DNAI4: variants seen among roughly 807,000 people sequenced by gnomAD.
DNAI4 encodes WD repeat domain 78.
A neutral mutation model predicts 105.8 loss-of-function variants in DNAI4; 85 were observed. The observed-to-expected ratio is 0.80, with a 90% CI of 0.67 to 0.96. The LOEUF (loss-of-function observed/expected upper bound fraction) is 0.96, where lower values mean the gene tolerates loss of function less well. DNAI4 is among the 40% of genes least tolerant of loss of function. The probability of loss-of-function intolerance (pLI) is 0.00; values close to 1 mark genes in which losing one functional copy is unlikely to be tolerated. For synonymous variants in DNAI4, 352 were observed against 331.5 expected, an observed-to-expected ratio of 1.06 and a Z score of -0.67; for missense variants, 1,014 against 1,005.6, an observed-to-expected ratio of 1.01 and a Z score of -0.11.
At chr1:66,908,756 G>T (rs1649441883) in intron 1 of DNAI4, among the ~76,000 whole-genome samples, 1 of 152,036 alleles carries the variant, frequency 6.6e-6, no homozygotes, top group African/African-American at 2.4e-5. Flanking sequence ...ACTTAATCAA[G>T]GTCCTTAATG....
chr1:66,878,588 A>G (rs921457163), intron 4 of DNAI4, among the ~76,000 whole-genome samples: 1 of 152,218 alleles, frequency 6.6e-6, no homozygotes, highest in African/African-American at 2.4e-5. Context: ...TAACTTGTAT[A>G]TACAAACATA....
At position 66,883,436 on chromosome 1, in the gene DNAI4, C is replaced by T. The variant is rs1371735918; in HGVS notation, c.643+7718G>A. 2.6e-5 allele frequency among the ~76,000 whole-genome samples: 4 copies of T among 152,076 alleles called. No homozygotes were observed. In the East Asian group the frequency reaches 7.7e-4, roughly 29 times the overall value. On this transcript the variant is annotated intron_variant, in intron 4 of 16. Transcript: ENST00000371026. ...GGGATTACAGGTGTGCACCACCACACCCAGCTAATTTTTGGTTTTTTAGTA... is the reference window on the plus strand; with the variant it reads ...GGGATTACAGGTGTGCACCACCACATCCAGCTAATTTTTGGTTTTTTAGTA...
chr1:66,834,226 T>C, intron 11 of DNAI4, 78 bp from the exon 12 acceptor site: 1 of 1,157,646 alleles, frequency 8.6e-7, no homozygotes, highest in Non-Finnish European at 1.2e-6. Flanking sequence ...AGTGATAAGG[T>C]CAGCTTTCTA....
At chr1:66,823,856 G>T (rs2100345714) in intron 15 of DNAI4, among the ~76,000 whole-genome samples, 1 of 151,176 alleles carries the variant, frequency 6.6e-6, no homozygotes, top group East Asian at 1.9e-4. Context: ...CCATTTTGTA[G>T]GTTGTCTGTT....
intron 7 of DNAI4, among the ~76,000 whole-genome samples, chr1:66,851,166 C>T (rs1646388942): frequency 6.6e-6 from 1 of 151,576 alleles, no homozygotes; most frequent in African/African-American, 2.4e-5. Context: ...ATATAGCAGG[C>T]AAACATTAAC....
intron 6 of DNAI4, among the ~76,000 whole-genome samples, chr1:66,869,257 T>C (rs560871309): frequency 1.3e-4 from 19 of 151,876 alleles, no homozygotes; most frequent in Non-Finnish European, 2.5e-4. Flanking sequence ...TTTAAAATGG[T>C]ATTTTTGATA....
At position 66,812,908 on chromosome 1, in the gene DNAI4, T is replaced by C. The variant is rs1211556133; in HGVS notation, c.*1222A>G. On this transcript the variant is annotated 3_prime_UTR_variant, in exon 17 of 17. Transcript: ENST00000371026. Reference sequence around the variant, plus strand: ...CATTTTTTCAGTTAGATCAAGTTTTTTATTTTCTTACACAAGGTGTTATAG... The same window carrying C: ...CATTTTTTCAGTTAGATCAAGTTTTCTATTTTCTTACACAAGGTGTTATAG... 1.3e-5 allele frequency: 2 copies of C among 152,356 alleles called. No individual in the cohort carries two copies. Among genetic ancestry groups the C allele is most frequent in the Admixed American group, 6.5e-5 (1 of 15,280 alleles). The allele number at this position is 152,356 out of a possible 1,614,324, so 9.4% of individuals were successfully genotyped here.
chr1:66,909,091 C>G (rs968177343), intron 1 of DNAI4, among the ~76,000 whole-genome samples: 1 of 152,126 alleles, frequency 6.6e-6, no homozygotes, highest in Non-Finnish European at 1.5e-5. Flanking sequence ...AGTTCTCTCT[C>G]TGCATCATAA....
intron 2 of DNAI4, among the ~76,000 whole-genome samples, chr1:66,900,043 T>C (rs186106248): frequency 1.3e-5 from 2 of 152,280 alleles, no homozygotes; most frequent in East Asian, 3.9e-4. Flanking sequence ...CTGGGTCCTC[T>C]GTGATTCCAT....
intron 1 of DNAI4, among the ~76,000 whole-genome samples, chr1:66,921,075 T>C (rs1650447649): frequency 6.6e-6 from 1 of 152,216 alleles, no homozygotes; most frequent in Non-Finnish European, 1.5e-5. Flanking sequence ...TTTGTAACTG[T>C]AAGACTATGA....
chr1:66,815,002 T>C (rs2100277368), intron 16 of DNAI4, among the ~76,000 whole-genome samples: 1 of 152,326 alleles, frequency 6.6e-6, no homozygotes, highest in South Asian at 2.1e-4. Context: ...AGATAGGAGC[T>C]GGAAGCAGAA....
intron 6 of DNAI4, among the ~76,000 whole-genome samples, chr1:66,863,545 G>A (rs946929347): frequency 3.3e-5 from 5 of 152,052 alleles, no homozygotes; most frequent in Admixed American, 3.3e-4. Flanking sequence ...TGCAACCTAT[G>A]TGTCCCGGGT....
At chr1:66,919,147 A>C (rs528156221) in intron 1 of DNAI4, 22 of 438,372 alleles carry the variant, frequency 5.0e-5, no homozygotes, top group South Asian at 3.4e-4. Context: ...ACATGCCCTG[A>C]CCACCTTAGG....
chr1:66,909,406 A>G (rs1343012596), intron 1 of DNAI4, among the ~76,000 whole-genome samples: 1 of 151,614 alleles, frequency 6.6e-6, no homozygotes, highest in Non-Finnish European at 1.5e-5. Flanking sequence ...TCACCTCCAC[A>G]ATACTAACTC....
intron 1 of DNAI4, among the ~76,000 whole-genome samples, chr1:66,920,300 C>A (rs552589253): frequency 6.6e-6 from 1 of 152,236 alleles, no homozygotes; most frequent in East Asian, 1.9e-4. Context: ...GCTCCTCTTC[C>A]CACTGAGAAC....
chr1:66,924,706 C>T lies in DNAI4; in HGVS notation c.126G>A (p.Met42Ile), dbSNP rs1484561708. The change falls in exon 1 of 17, where the codon ATG (methionine) becomes ATA (isoleucine). Residue 42 changes from methionine (M) to isoleucine (I), a missense_variant. Met to Ile is a conservative substitution (Grantham distance 10). Transcript: ENST00000371026. ...WCTTPQLVAT[M>I]PVSPAGSHKQ... ...TGTGACTGCCTGCCGGAGAGACTGG[C>T]ATGGTGGCGACCAGCTGGGGAGTGG... 1 of 1,614,236 alleles carries T rather than the reference C, an allele frequency of 6.2e-7. No homozygotes were observed. Among genetic ancestry groups the T allele is most frequent in the Non-Finnish European group, 8.5e-7 (1 of 1,180,046 alleles).
chr1:66,884,022 T>A (rs1038535679), intron 4 of DNAI4, among the ~76,000 whole-genome samples: 1 of 152,206 alleles, frequency 6.6e-6, no homozygotes. Context: ...CATTCTACAT[T>A]CCACCTCTAT....
chr1:66,840,040 A>C (rs1025477137), intron 9 of DNAI4, among the ~76,000 whole-genome samples: 6 of 152,142 alleles, frequency 3.9e-5, no homozygotes, highest in Non-Finnish European at 2.9e-5. Flanking sequence ...TCTCAAAATT[A>C]TTTTGCACAC....
At chr1:66,850,341 A>T (rs1307285522) in intron 7 of DNAI4, among the ~76,000 whole-genome samples, 1 of 151,998 alleles carries the variant, frequency 6.6e-6, no homozygotes. Flanking sequence ...CTATGGGAAT[A>T]ATTCTATACC....
Sources: allele counts gnomAD v4.1 joint callset (sites outside exome capture counted in the v4.1 genomes callset), GRCh38; gene constraint gnomAD v4.1.1; transcripts MANE v1.5; gene names NCBI Gene and HGNC (gene_info 2026-07-23, HGNC 2026-07-21).